The following HERC5 variants were observed in gnomAD, a reference collection of about 807,000 sequenced individuals.
HERC5 encodes E3 ISG15--protein ligase HERC5.
Under a neutral mutation model 119.6 loss-of-function variants are expected in HERC5, and 99 were observed. That is an observed-to-expected ratio of 0.83 (90% CI 0.70 to 0.98). The LOEUF (loss-of-function observed/expected upper bound fraction) is 0.98, where lower values mean the gene tolerates loss of function less well. Ranked by LOEUF, HERC5 falls within the 50% of genes least tolerant of loss-of-function variation. HERC5 has a pLI of 0.00. For missense variants in HERC5, 1,267 were observed against 1,241.3 expected (o/e 1.02, Z -0.31); for synonymous variants, 478 against 445.9 (o/e 1.07, Z -0.91).
intron 12 of HERC5, 108 bp from the exon 13 acceptor site, chr4:88,479,245 A>G (rs1741189736): frequency 1.3e-6 from 1 of 758,404 alleles, no homozygotes; most frequent in Non-Finnish European, 2.0e-6. Flanking sequence ...AGATCGTGCC[A>G]CTGCACTCCA....
chr4:88,461,654 A>G (rs1578463679), intron 3 of HERC5, among the ~76,000 whole-genome samples: 1 of 152,206 alleles, frequency 6.6e-6, no homozygotes, highest in East Asian at 1.9e-4. Flanking sequence ...GGAAGAAGAA[A>G]CTGACTCGTT....
In HERC5 at chr4:88,472,487, C is replaced by T; in HGVS notation, c.1377C>T (p.Asp459=). The T allele has an allele frequency of 6.3e-7, 1 of 1,575,060 alleles. No individual in the cohort carries two copies. The highest frequency in any genetic ancestry group is 8.7e-7 in the Non-Finnish European group (1 of 1,147,766). ...TCTTCAAGGAGTTAACCCAAAAGGA[C>T]TGGATTACTAACATGGTATCTTCAG... The part of the protein sequence containing the change: ...RNIFKELTQK[D]WITNMITTCL... The change falls in exon 11 of 23, where the codon GAC becomes GAT. Residue 459 remains aspartate (D), a synonymous_variant. Transcript: ENST00000264350.
At chr4:88,463,440 G>T (rs1005268181) in intron 4 of HERC5, 92 bp from the exon 5 acceptor site, 3 of 770,246 alleles carry the variant, frequency 3.9e-6, no homozygotes, top group Admixed American at 4.2e-5. Flanking sequence ...GAGAACTGTT[G>T]TCGCTGGGTT....
intron 10 of HERC5, 135 bp downstream of exon 10, chr4:88,470,808 T>C (rs1036363434): frequency 2.3e-6 from 1 of 441,218 alleles, no homozygotes; most frequent in Non-Finnish European, 4.1e-6. Context: ...AGTAAATATA[T>C]GTTTGCTGTA....
rs763767204 is a variant in HERC5 at position 88,504,278 on chromosome 4, G to A, written c.2629G>A (p.Val877Ile). The A allele has an allele frequency of 5.0e-5, 81 of 1,611,708 alleles. 1 individual carries two copies. Among genetic ancestry groups the A allele is most frequent in the Non-Finnish European group, 6.4e-5 (75 of 1,178,210 alleles). ...KYINYIFNDSVKAVYEEFRRG... is the reference protein window; with the variant it reads ...KYINYIFNDSIKAVYEEFRRG... Reference sequence around the variant, plus strand: ...TATCAATTACATTTTCAACGACTCTGTAAAGGCGGTTTATGAAGAATTTCG... The same window carrying A: ...TATCAATTACATTTTCAACGACTCTATAAAGGCGGTTTATGAAGAATTTCG... The change falls in exon 21 of 23, where the codon GTA becomes ATA. Residue 877 changes from valine to isoleucine, a missense_variant. Physicochemically the swap from Val to Ile is conservative, Grantham distance 29. Around this residue, in one of 3 missense-constraint regions of HERC5, gnomAD observed 473 missense variants for 445.7 expected, o/e 1.06. Coordinates refer to ENST00000264350, the MANE Select transcript of HERC5 (RefSeq NM_016323.4).
At position 88,504,304 on chromosome 4, in the gene HERC5, G is replaced by C. The variant is rs1252829120; in HGVS notation, c.2655G>C (p.Arg885=). Reference sequence around the variant, plus strand: ...TAAAGGCGGTTTATGAAGAATTTCGGAGAGGATTTTATAAAATGTGCGACG... The same window carrying C: ...TAAAGGCGGTTTATGAAGAATTTCGCAGAGGATTTTATAAAATGTGCGACG... The part of the protein sequence containing the change: ...DSVKAVYEEF[R]RGFYKMCDED... Residue 885 remains arginine, a synonymous_variant, in exon 21 of 23, where the codon CGG becomes CGC. Coordinates refer to ENST00000264350, the MANE Select transcript of HERC5 (RefSeq NM_016323.4). 1.9e-6 allele frequency: 3 copies of C among 1,612,814 alleles called. No homozygotes were observed. Among genetic ancestry groups the C allele is most frequent in the Non-Finnish European group, 2.5e-6 (3 of 1,179,078 alleles).
At chr4:88,482,656 T>C (rs1246402614) in intron 13 of HERC5, among the ~76,000 whole-genome samples, 1 of 152,040 alleles carries the variant, frequency 6.6e-6, no homozygotes, top group African/African-American at 2.4e-5. Context: ...GGGCTGAAAA[T>C]AGACAGGTCC....
chr4:88,464,919 C>T (rs1056009631), intron 6 of HERC5, among the ~76,000 whole-genome samples: 81 of 152,168 alleles, frequency 5.3e-4, no homozygotes, highest in Middle Eastern at 3.4e-3. Flanking sequence ...TACAGGCGCC[C>T]GCCACCACGC....
At chr4:88,460,587 T>C (rs1298484843) in intron 3 of HERC5, among the ~76,000 whole-genome samples, 1 of 152,202 alleles carries the variant, frequency 6.6e-6, no homozygotes, top group Non-Finnish European at 1.5e-5. Flanking sequence ...GTTTTAACAT[T>C]GCTTTTGAAT....
chr4:88,504,495 A>T lies in HERC5; in HGVS notation c.2767A>T (p.Asn923Tyr). 3 of 1,574,612 alleles carry T rather than the reference A, an allele frequency of 1.9e-6. No homozygotes were observed. Among genetic ancestry groups the T allele is most frequent in the Non-Finnish European group, 2.6e-6 (3 of 1,159,868 alleles). The change falls in exon 22 of 23, where the codon AAT becomes TAT. Residue 923 changes from asparagine (N) to tyrosine (Y), a missense_variant and splice_region_variant. Transcript: ENST00000264350. ...TAACTTTTTTTTGTATTTTCTCTAGAATGCACGTTATGAACCAGGATATAA... is the reference window on the plus strand; with the variant it reads ...TAACTTTTTTTTGTATTTTCTCTAGTATGCACGTTATGAACCAGGATATAA... Reference protein sequence around the residue: ...TDYDWKTFEKNARYEPGYNSS... With the variant: ...TDYDWKTFEKYARYEPGYNSS...
At chr4:88,502,194 G>A (rs1271257299) in intron 20 of HERC5, among the ~76,000 whole-genome samples, 1 of 152,172 alleles carries the variant, frequency 6.6e-6, no homozygotes, top group Admixed American at 6.5e-5. Flanking sequence ...TTTTGTTTAT[G>A]TGCAGGCATT....
chr4:88,464,960 C>T (rs1370736612), intron 6 of HERC5, among the ~76,000 whole-genome samples: 1 of 151,956 alleles, frequency 6.6e-6, no homozygotes, highest in Admixed American at 6.6e-5. Flanking sequence ...TTAGTAAAGA[C>T]GGGGTTTCAC....
At chr4:88,457,560 T>TGTGAGGGCTGTGAGGG (rs1298122422) in intron 1 of HERC5, 26 bp downstream of exon 1, 4 of 1,246,316 alleles carry the variant, frequency 3.2e-6, no homozygotes, top group African/African-American at 3.1e-5. Context: ...GTGTGAGGGC[T>TGTGAGGGCTGTGAGGG]GTGAGGGCTG....
chr4:88,472,544 A>G (rs1740910341), intron 11 of HERC5, 42 bp downstream of exon 11: 1 of 1,140,440 alleles, frequency 8.8e-7, no homozygotes, highest in Non-Finnish European at 1.3e-6. Context: ...ATACACCAGA[A>G]TATTTCTTAA....
intron 22 of HERC5, among the ~76,000 whole-genome samples, chr4:88,505,118 CAGTCTTA>C (rs1162470514): frequency 6.6e-6 from 1 of 152,106 alleles, no homozygotes; most frequent in East Asian, 1.9e-4. Flanking sequence ...CCTACCTTTC[CAGTCTTA>C]ACTCCTAGAG....
chr4:88,484,955 A>G (rs1338900417), intron 13 of HERC5, among the ~76,000 whole-genome samples: 1 of 152,174 alleles, frequency 6.6e-6, no homozygotes, highest in Non-Finnish European at 1.5e-5. Context: ...TCAGTGGATC[A>G]GGGTACCTAA....
chr4:88,487,567 C>T (rs1315109806), intron 15 of HERC5, among the ~76,000 whole-genome samples: 8 of 152,048 alleles, frequency 5.3e-5, no homozygotes, highest in Non-Finnish European at 7.4e-5. Context: ...TGAAAAGATA[C>T]GGTAGCAGGA....
At chr4:88,500,117 T>C in intron 19 of HERC5, 125 bp downstream of exon 19, 1 of 641,068 alleles carries the variant, frequency 1.6e-6, no homozygotes, top group Admixed American at 2.9e-5. Flanking sequence ...AAGGTATTGT[T>C]CTTCATCATG....
chr4:88,494,188 C>G lies in HERC5; in HGVS notation c.2301C>G (p.Tyr767Ter). 1 of 1,603,048 alleles carries G rather than the reference C, an allele frequency of 6.2e-7. No homozygotes were observed. The highest frequency in any genetic ancestry group is 8.5e-7 in the Non-Finnish European group (1 of 1,175,592). Residue 767 changes from tyrosine (Y) to a stop codon, truncating the protein, a stop_gained, in exon 18 of 23, where the codon TAC becomes TAG. Coordinates refer to ENST00000264350, the MANE Select transcript of HERC5 (RefSeq NM_016323.4). LOFTEE classifies it high-confidence loss of function. ...AGCCTAAATTTGAGAAGAAAAGATA[C>G]TTCTTTTTTGGGGTTCTATGTGGAC... ...PVKPKFEKKR[Y>*]FFFGVLCGLS...
Sources: allele counts gnomAD v4.1 joint callset (sites outside exome capture counted in the v4.1 genomes callset), GRCh38; gene constraint gnomAD v4.1.1; regional missense constraint gnomAD v4.1.1; transcripts MANE v1.5; gene names NCBI Gene and HGNC (gene_info 2026-07-23, HGNC 2026-07-21).